The following CD274 variants were observed in gnomAD, a reference collection of about 807,000 sequenced individuals.
CD274 encodes CD274 molecule.
A neutral mutation model predicts 30.1 loss-of-function variants in CD274; 8 were observed. That is an observed-to-expected ratio of 0.27 (90% CI 0.16 to 0.48). CD274 has a LOEUF of 0.48. Among genes scored for constraint, CD274 ranks in the 20% least tolerant of loss-of-function variants. The probability of loss-of-function intolerance (pLI) is 0.99; values close to 1 mark genes in which losing one functional copy is unlikely to be tolerated. For missense variants in CD274, 353 were observed against 346.6 expected (o/e 1.02, Z -0.15); for synonymous variants, 152 against 124.6 (o/e 1.22, Z -1.46).
In CD274 at chr9:5,456,992, A is replaced by C. The variant is rs1479281773; in HGVS notation, c.53-87A>C. Reference sequence around the variant, plus strand: ...ATATAATGATAACATAACCGACCAGATAAAGTGATTTATAAACGCTGTGCC... The same window carrying C: ...ATATAATGATAACATAACCGACCAGCTAAAGTGATTTATAAACGCTGTGCC... On this transcript the variant is annotated intron_variant, in intron 2 of 6. Transcript: ENST00000381577. 4.7e-6 allele frequency: 4 copies of C among 849,924 alleles called. No individual in the cohort carries two copies. In the African/African-American group the frequency reaches 6.8e-5, roughly 14 times the overall value. The allele number at this position is 849,924 out of a possible 1,614,324, so 52.6% of individuals were successfully genotyped here. A position where few individuals can be genotyped will look rare whatever the true frequency, so the allele number is the denominator to read the frequency against.
Position 5,457,224 on chromosome 9 carries a change from A to G in CD274, c.198A>G (p.Gln66=), listed in dbSNP as rs145080325. ...AAATGGAGGATAAGAACATTATTCA[A>G]TTTGTGCATGGAGAGGAAGACCTGA... ...YWEMEDKNII[Q]FVHGEEDLKV... The change falls in exon 3 of 7, where the codon CAA becomes CAG. Residue 66 remains glutamine, a synonymous_variant. Coordinates refer to ENST00000381577, the MANE Select transcript of CD274 (RefSeq NM_014143.4). 3.9e-4 allele frequency: 633 copies of G among 1,614,132 alleles called. 6 individuals carry two copies. The African/African-American group carries it at 5.3e-3, about 13-fold the overall frequency.
At chr9:5,465,054 T>G (rs1586768317) in intron 4 of CD274, among the ~76,000 whole-genome samples, 2 of 137,984 alleles carry the variant, frequency 1.4e-5, no homozygotes, top group South Asian at 4.6e-4. Flanking sequence ...GCCACTGCAC[T>G]CCACCCTGGG....
rs1232871567 is a variant in CD274 at position 5,457,277 on chromosome 9, G to C, written c.251G>C (p.Arg84Thr). Reference protein sequence around the residue: ...LKVQHSSYRQRARLLKDQLSL... With the variant: ...LKVQHSSYRQTARLLKDQLSL... ...GTTCAGCATAGTAGCTACAGACAGA[G>C]GGCCCGGCTGTTGAAGGACCAGCTC... Residue 84 changes from arginine to threonine, a missense_variant, in exon 3 of 7, where the codon AGG becomes ACG. Coordinates refer to ENST00000381577, the MANE Select transcript of CD274 (RefSeq NM_014143.4). 1 of 1,614,036 alleles carries C rather than the reference G, an allele frequency of 6.2e-7. No homozygotes were observed.
At chr9:5,454,382 G>T (rs1819262883) in intron 1 of CD274, among the ~76,000 whole-genome samples, 1 of 151,486 alleles carries the variant, frequency 6.6e-6, no homozygotes, top group Admixed American at 6.6e-5. Flanking sequence ...CAATATCTTG[G>T]ACATTTCCTG....
At chr9:5,467,746 T>A (rs1274757388) in intron 6 of CD274, 94 bp from the exon 7 acceptor site, 3 of 970,976 alleles carry the variant, frequency 3.1e-6, no homozygotes, top group Non-Finnish European at 5.0e-6. Flanking sequence ...ATTTATCATA[T>A]CAGCAACTAT....
In CD274 at chr9:5,468,800, A is replaced by G. The variant is rs1819539439; in HGVS notation, c.*938A>G. 4.3e-6 allele frequency: 1 copy of G among 232,992 alleles called. No individual in the cohort carries two copies. Among genetic ancestry groups the G allele is most frequent in the Non-Finnish European group, 8.5e-6 (1 of 117,932 alleles). The allele number at this position is 232,992 out of a possible 1,614,324, so 14.4% of individuals were successfully genotyped here. A position where few individuals can be genotyped will look rare whatever the true frequency, so the allele number is the denominator to read the frequency against. On this transcript the variant is annotated 3_prime_UTR_variant, in exon 7 of 7. Transcript: ENST00000381577. Reference sequence around the variant, plus strand: ...AGTAAATAGCAGACCTCAGACTGCCACCCACTGTCCTTTTATAATACAATT... The same window carrying G: ...AGTAAATAGCAGACCTCAGACTGCCGCCCACTGTCCTTTTATAATACAATT...
chr9:5,470,442 T>C lies in CD274; in HGVS notation c.*2580T>C, dbSNP rs2131239768. ...AATTCTGCATTTGATTGTCACTTTT[T>C]GTACCTGCATTAATTTAATAAAATA... On this transcript the variant is annotated 3_prime_UTR_variant, in exon 7 of 7. Coordinates refer to ENST00000381577, the MANE Select transcript of CD274 (RefSeq NM_014143.4). 4.4e-6 allele frequency: 1 copy of C among 228,368 alleles called. No homozygotes were observed. The highest frequency in any genetic ancestry group is 6.3e-5 in the East Asian group (1 of 15,934). The allele number at this position is 228,368 out of a possible 1,614,324, so 14.1% of individuals were successfully genotyped here.
chr9:5,466,334 A>G lies in CD274; in HGVS notation c.791-436A>G, dbSNP rs558861717. 2.6e-5 allele frequency among the ~76,000 whole-genome samples: 4 copies of G among 152,338 alleles called. No homozygotes were observed. In the South Asian group the frequency reaches 8.3e-4, roughly 32 times the overall value. On this transcript the variant is annotated intron_variant, in intron 5 of 6. Coordinates refer to ENST00000381577, the MANE Select transcript of CD274 (RefSeq NM_014143.4). The stretch of plus-strand genomic sequence containing the variant: ...GAGATAAGCTGTTTCCAAAAATTAT[A>G]TTCTTAACAGGACTGAGATAGCCAG...
intron 1 of CD274, among the ~76,000 whole-genome samples, chr9:5,455,596 A>G (rs1181812070): frequency 2.0e-5 from 3 of 152,226 alleles, no homozygotes; most frequent in Non-Finnish European, 4.4e-5. Flanking sequence ...TGGCACCTGA[A>G]GGAGGACTAG....
intron 1 of CD274, among the ~76,000 whole-genome samples, chr9:5,451,903 A>G (rs567083163): frequency 6.6e-6 from 1 of 151,636 alleles, no homozygotes; most frequent in Non-Finnish European, 1.5e-5. Flanking sequence ...CTGTTCTCGA[A>G]CTCCTAGCCT....
intron 3 of CD274, among the ~76,000 whole-genome samples, chr9:5,460,201 G>C (rs918667423): frequency 1.3e-5 from 2 of 152,066 alleles, no homozygotes; most frequent in Admixed American, 1.3e-4. Flanking sequence ...GAACAGATTT[G>C]GATATGTGAA....
At chr9:5,466,564 C>G (rs929227672) in intron 5 of CD274, among the ~76,000 whole-genome samples, 2 of 151,976 alleles carry the variant, frequency 1.3e-5, no homozygotes, top group African/African-American at 4.8e-5. Flanking sequence ...AAAGTGTATA[C>G]TCCTCAAGAA....
chr9:5,455,101 C>T (rs1253108124), intron 1 of CD274, among the ~76,000 whole-genome samples: 1 of 152,008 alleles, frequency 6.6e-6, no homozygotes, highest in Non-Finnish European at 1.5e-5. Flanking sequence ...GAGTTCATGT[C>T]TGTATACAAA....
rs560609106 is a variant in CD274, at chr9:5,460,465, G to T, written c.395-2369G>T. ...AGATGAGTATTTTTCACATTTTGTT[G>T]TGTCTGAAATCTGAGTGTGTCTTTC... On this transcript the variant is annotated intron_variant, in intron 3 of 6. Transcript: ENST00000381577. Among the ~76,000 whole-genome samples the T allele has an allele frequency of 3.3e-5, 5 of 152,164 alleles. No individual in the cohort carries two copies. The South Asian group carries it at 1.0e-3, about 32-fold the overall frequency.
At chr9:5,457,025 T>C in intron 2 of CD274, 54 bp from the exon 3 acceptor site, 1 of 1,288,794 alleles carries the variant, frequency 7.8e-7, no homozygotes, top group African/African-American at 1.5e-5. Context: ...GCCAATTTTG[T>C]AAATGTTTCG....
intron 2 of CD274, among the ~76,000 whole-genome samples, chr9:5,456,784 G>C (rs559466880): frequency 6.6e-6 from 1 of 152,306 alleles, no homozygotes; most frequent in East Asian, 1.9e-4. Context: ...AGTCTCCCTG[G>C]TTGTAAGGAC....
intron 1 of CD274, among the ~76,000 whole-genome samples, chr9:5,453,209 G>A (rs1342561183): frequency 6.6e-6 from 1 of 152,050 alleles, no homozygotes; most frequent in East Asian, 1.9e-4. Context: ...CTGGCAAGAG[G>A]ATGATGACTC....
At chr9:5,461,917 C>T (rs1055266008) in intron 3 of CD274, among the ~76,000 whole-genome samples, 1 of 151,914 alleles carries the variant, frequency 6.6e-6, no homozygotes, top group African/African-American at 2.4e-5. Context: ...TAGATAGCAT[C>T]CCAGAACAGA....
chr9:5,457,749 T>A (rs1819332563), intron 3 of CD274, among the ~76,000 whole-genome samples: 1 of 152,218 alleles, frequency 6.6e-6, no homozygotes, highest in Non-Finnish European at 1.5e-5. Context: ...AGAGATCAAA[T>A]GAATTGCAAA....
Sources: gnomAD v4.1 joint callset for allele counts (sites outside exome capture counted in the v4.1 genomes callset) on GRCh38, gnomAD v4.1.1 for gene constraint, MANE v1.5 for transcripts, NCBI Gene and HGNC (gene_info 2026-07-23, HGNC 2026-07-21) for gene names.